The following PTPRD variants were observed in gnomAD, a reference collection of about 807,000 sequenced individuals.
PTPRD encodes protein tyrosine phosphatase receptor type D.
PTPRD carries 34 observed loss-of-function variants against 214.5 expected under a neutral mutation model. That is an observed-to-expected ratio of 0.16 (90% CI 0.12 to 0.21). The LOEUF (loss-of-function observed/expected upper bound fraction) is 0.21, where lower values mean the gene tolerates loss of function less well. PTPRD is among the 10% of genes least tolerant of loss of function. PTPRD has a pLI of 1.00. For synonymous variants in PTPRD, 1,128 were observed against 845.7 expected (o/e 1.33, Z -5.79); for missense variants, 2,545 against 2,398.7 (o/e 1.06, Z -1.27).
At chr9:9,942,432 A>G (rs1426964942) in intron 4 of PTPRD, among the ~76,000 whole-genome samples, 1 of 152,156 alleles carries the variant, frequency 6.6e-6, no homozygotes, top group African/African-American at 2.4e-5. Context: ...CCCTTTACCT[A>G]TTAAAGAGTT....
At position 8,594,866 on chromosome 9, in the gene PTPRD, T is replaced by A. The variant is rs1463343541; in HGVS notation, c.352+38451A>T. Among the ~76,000 whole-genome samples the A allele has an allele frequency of 4.2e-4, 62 of 147,848 alleles. 1 individual carries two copies. The highest frequency in any genetic ancestry group is 8.8e-4 in the South Asian group (4 of 4,568). The stretch of plus-strand genomic sequence containing the variant: ...AATCATATATGTTTAACCCCTTTTT[T>A]TTTTTTTTTTTTTTGGGACAGAGTC... On this transcript the variant is annotated intron_variant, in intron 14 of 45. Coordinates refer to ENST00000381196, the MANE Select transcript of PTPRD (RefSeq NM_002839.4).
intron 11 of PTPRD, among the ~76,000 whole-genome samples, chr9:8,867,051 G>C (rs1181528514): frequency 6.6e-6 from 1 of 152,104 alleles, no homozygotes; most frequent in Non-Finnish European, 1.5e-5. Flanking sequence ...ATCACATCTT[G>C]CAAGTTCTTG....
chr9:10,328,429 C>T (rs1296668322), intron 3 of PTPRD, among the ~76,000 whole-genome samples: 2 of 151,620 alleles, frequency 1.3e-5, no homozygotes, highest in Admixed American at 1.3e-4. Context: ...TATGGTTTTT[C>T]AAGATTTGAG....
chr9:9,871,902 T>C (rs1294654034), intron 5 of PTPRD, among the ~76,000 whole-genome samples: 2 of 152,174 alleles, frequency 1.3e-5, no homozygotes, highest in Non-Finnish European at 2.9e-5. Flanking sequence ...AAATAAATCA[T>C]AATAACAAAA....
intron 35 of PTPRD, among the ~76,000 whole-genome samples, chr9:8,433,090 C>T (rs761404966): frequency 6.6e-6 from 1 of 152,170 alleles, no homozygotes; most frequent in African/African-American, 2.4e-5. Flanking sequence ...GGTTTTATAG[C>T]CATGTGCTGC....
At chr9:9,164,922 GC>G (rs1363163476) in intron 10 of PTPRD, among the ~76,000 whole-genome samples, 1 of 151,648 alleles carries the variant, frequency 6.6e-6, no homozygotes, top group African/African-American at 2.4e-5. Flanking sequence ...GTGTGGTGGT[GC>G]ACACCTGTAA....
intron 2 of PTPRD, among the ~76,000 whole-genome samples, chr9:10,423,994 T>G (rs1674021424): frequency 6.6e-6 from 1 of 151,996 alleles, no homozygotes; most frequent in African/African-American, 2.4e-5. Context: ...TTTTTCAGAA[T>G]TCAACAAATT....
At chr9:8,649,351 C>G (rs1403220922) in intron 12 of PTPRD, among the ~76,000 whole-genome samples, 1 of 152,208 alleles carries the variant, frequency 6.6e-6, no homozygotes, top group Non-Finnish European at 1.5e-5. Flanking sequence ...ATTACCACAA[C>G]TTACAAAAAC....
chr9:9,057,360 T>G (rs1034859072), intron 10 of PTPRD, among the ~76,000 whole-genome samples: 1 of 152,134 alleles, frequency 6.6e-6, no homozygotes, highest in Non-Finnish European at 1.5e-5. Context: ...TCCAATTCAA[T>G]GCCCTCAAGC....
intron 8 of PTPRD, among the ~76,000 whole-genome samples, chr9:9,484,801 C>T (rs1473679497): frequency 1.3e-5 from 2 of 152,028 alleles, no homozygotes; most frequent in Non-Finnish European, 2.9e-5. Context: ...GTCTTGACCA[C>T]CAAGCAATAC....
chr9:9,733,691 T>C (rs1278920368), intron 7 of PTPRD, among the ~76,000 whole-genome samples: 1 of 152,172 alleles, frequency 6.6e-6, no homozygotes, highest in Non-Finnish European at 1.5e-5. Flanking sequence ...TAGAATCTCA[T>C]TCTTGGTTCA....
At chr9:9,506,964 AG>A (rs1289776427) in intron 8 of PTPRD, among the ~76,000 whole-genome samples, 1 of 151,474 alleles carries the variant, frequency 6.6e-6, no homozygotes, top group African/African-American at 2.4e-5. Context: ...TAGAAGTTAA[AG>A]GATGTACTCA....
intron 5 of PTPRD, among the ~76,000 whole-genome samples, chr9:9,853,541 T>C (rs879697501): frequency 2.0e-5 from 3 of 151,962 alleles, no homozygotes; most frequent in Non-Finnish European, 4.4e-5. Context: ...TTTTAAGGGT[T>C]TTTTTTGTTG....
chr9:10,414,394 T>C (rs990162077), intron 2 of PTPRD, among the ~76,000 whole-genome samples: 1 of 151,916 alleles, frequency 6.6e-6, no homozygotes. Flanking sequence ...TGAGATACCA[T>C]CTCACACCAG....
intron 8 of PTPRD, among the ~76,000 whole-genome samples, chr9:9,501,041 C>A (rs1271487623): frequency 6.6e-6 from 1 of 151,394 alleles, no homozygotes; most frequent in African/African-American, 2.4e-5. Context: ...AAATGTATTA[C>A]TAAAAGATAT....
chr9:10,383,326 T>G (rs962758305), intron 2 of PTPRD, among the ~76,000 whole-genome samples: 1 of 151,876 alleles, frequency 6.6e-6, no homozygotes, highest in African/African-American at 2.4e-5. Context: ...AAAAAGAGAA[T>G]GCCTTTAATT....
At chr9:10,399,284 T>G (rs1386941132) in intron 2 of PTPRD, among the ~76,000 whole-genome samples, 1 of 151,980 alleles carries the variant, frequency 6.6e-6, no homozygotes, top group Non-Finnish European at 1.5e-5. Flanking sequence ...ATATACTTTT[T>G]TGATTTCAAA....
chr9:9,305,202 T>C (rs1473240131), intron 9 of PTPRD, among the ~76,000 whole-genome samples: 1 of 151,886 alleles, frequency 6.6e-6, no homozygotes, highest in Non-Finnish European at 1.5e-5. Flanking sequence ...CAAAATTGTC[T>C]TCGTAACTCT....
At chr9:9,062,827 G>A (rs187344635) in intron 10 of PTPRD, among the ~76,000 whole-genome samples, 4 of 152,198 alleles carry the variant, frequency 2.6e-5, no homozygotes, top group Admixed American at 1.3e-4. Flanking sequence ...GCACCATGTG[G>A]CCTATTTTGC....
Sources: gnomAD v4.1 joint callset for allele counts (sites outside exome capture counted in the v4.1 genomes callset) on GRCh38, gnomAD v4.1.1 for gene constraint, MANE v1.5 for transcripts, NCBI Gene and HGNC (gene_info 2026-07-23, HGNC 2026-07-21) for gene names.